The following TBCD variants were observed in gnomAD, a reference collection of about 807,000 sequenced individuals.
The protein encoded by TBCD is tubulin-specific chaperone D.
Under a neutral mutation model 169.3 loss-of-function variants are expected in TBCD, and 105 were observed. The ratio of observed to expected loss-of-function variants is 0.62; its 90% CI spans 0.53 to 0.73. TBCD has a LOEUF of 0.73. Ranked by LOEUF, TBCD falls within the 30% of genes least tolerant of loss-of-function variation. The pLI, the probability that TBCD is intolerant of heterozygous loss-of-function variation, is 0.00. For missense variants in TBCD, 1,444 were observed against 1,600.1 expected, an observed-to-expected ratio of 0.90 and a Z score of 1.66; for synonymous variants, 700 against 643.9, an observed-to-expected ratio of 1.09 and a Z score of -1.32.
chr17:82,873,728 G>A (rs989096972), intron 14 of TBCD, among the ~76,000 whole-genome samples: 3 of 152,142 alleles, frequency 2.0e-5, no homozygotes, highest in Admixed American at 6.5e-5. Context: ...GGGTGTGGAG[G>A]GCTGGGGGCC....
At position 82,929,282 on chromosome 17, in the gene TBCD, G is replaced by A. The variant is rs746713126; in HGVS notation, c.2852+11G>A. ...AAAGCTGTTTCCCAGGTACTGTCGG[G>A]GTGTAGGCCCCCCGTGCTGGCCCCG... On this transcript the variant is annotated intron_variant, in intron 31 of 38. Coordinates refer to ENST00000355528, the MANE Select transcript of TBCD (RefSeq NM_005993.5). The A allele has an allele frequency of 1.2e-6, 2 of 1,612,534 alleles. No individual in the cohort carries two copies. Among genetic ancestry groups the A allele is most frequent in the Non-Finnish European group, 1.7e-6 (2 of 1,178,980 alleles).
At chr17:82,852,469 C>T in intron 13 of TBCD, among the ~76,000 whole-genome samples, 1 of 152,102 alleles carries the variant, frequency 6.6e-6, no homozygotes, top group East Asian at 1.9e-4. Flanking sequence ...TGCCAGCAGG[C>T]TCGGCAGCAG....
chr17:82,881,765 C>A (rs2058367417), intron 14 of TBCD, among the ~76,000 whole-genome samples: 1 of 152,224 alleles, frequency 6.6e-6, no homozygotes, highest in African/African-American at 2.4e-5. Context: ...TTTCATTTGC[C>A]ATTCTTATTT....
rs369083903 is a variant in TBCD at position 82,778,329 on chromosome 17, C to T, written c.639-3260C>T. ...TCTAATGCTCTGTGGGAACTCTGTG[C>T]GTTTTAAAGGGAACACGGTTTGTCA... On this transcript the variant is annotated intron_variant, in intron 6 of 38. Coordinates refer to ENST00000355528, the MANE Select transcript of TBCD (RefSeq NM_005993.5). 4.6e-5 allele frequency among the ~76,000 whole-genome samples: 7 copies of T among 152,294 alleles called. No homozygotes were observed. In the East Asian group the frequency reaches 1.2e-3, roughly 25 times the overall value.
At position 82,931,101 on chromosome 17, in the gene TBCD, G is replaced by A. The variant is rs553368455; in HGVS notation, c.3113+458G>A. On this transcript the variant is annotated intron_variant, in intron 33 of 38. Transcript: ENST00000355528. ...AAGTTTCTGGCTTTACATGGAGGCAGAGTATAGACCCTGTGGGCCTTGACC... is the reference window on the plus strand; with the variant it reads ...AAGTTTCTGGCTTTACATGGAGGCAAAGTATAGACCCTGTGGGCCTTGACC... 2.6e-5 allele frequency among the ~76,000 whole-genome samples: 4 copies of A among 152,348 alleles called. No homozygotes were observed. The East Asian group carries it at 7.7e-4, about 29-fold the overall frequency.
chr17:82,829,194 C>T (rs921061043), intron 13 of TBCD, among the ~76,000 whole-genome samples: 9 of 151,766 alleles, frequency 5.9e-5, no homozygotes, highest in Admixed American at 1.3e-4. Context: ...CACCCGCAGA[C>T]GTGCACATGC....
intron 37 of TBCD, 74 bp downstream of exon 37, chr17:82,939,550 C>A: frequency 8.3e-7 from 1 of 1,205,218 alleles, no homozygotes; most frequent in Non-Finnish European, 1.2e-6. Context: ...CGTGTCTACT[C>A]GTCTCTCCCA....
chr17:82,938,236 A>G, intron 36 of TBCD, 100 bp downstream of exon 36: 1 of 1,368,118 alleles, frequency 7.3e-7, no homozygotes, highest in Admixed American at 2.0e-5. Context: ...TGTGCTTTCC[A>G]GCCGAGCCCC....
In TBCD at chr17:82,889,564, T is replaced by C; in HGVS notation, c.1534-104T>C. The C allele has an allele frequency of 1.4e-6, 2 of 1,390,314 alleles. No homozygotes were observed. The highest frequency in any genetic ancestry group is 4.1e-5 in the Admixed American group (2 of 49,000). 86.1% of individuals were successfully genotyped at this position (1,390,314 alleles called of 1,614,324 possible). ...ACAATGAGGGCTTTTATTTAAAAAA[T>C]AAAGCCGTGGGTCATTCACGTTGTG... is the stretch of plus-strand genomic sequence containing the variant. On this transcript the variant is annotated intron_variant, in intron 15 of 38. Transcript: ENST00000355528. This position sits in a 1 kb window ranked among gnomAD's most constrained non-coding sequence, Gnocchi z 5.3.
chr17:82,834,782 C>G (rs2053826304), intron 13 of TBCD, among the ~76,000 whole-genome samples: 1 of 152,136 alleles, frequency 6.6e-6, no homozygotes, highest in Non-Finnish European at 1.5e-5. Context: ...GGCTTAAAAC[C>G]TAGATGATCG....
At chr17:82,932,566 T>A in intron 33 of TBCD, 92 bp from the exon 34 acceptor site, 1 of 1,014,534 alleles carries the variant, frequency 9.9e-7, no homozygotes, top group Non-Finnish European at 1.5e-6. Flanking sequence ...GCTTGTCGCT[T>A]TCCACTGGGA....
intron 9 of TBCD, among the ~76,000 whole-genome samples, chr17:82,802,034 C>T (rs933015615): frequency 1.9e-4 from 27 of 141,882 alleles, no homozygotes; most frequent in Non-Finnish European, 3.7e-4. Flanking sequence ...TGCTCAGAGG[C>T]GGTGCGGCCT....
intron 13 of TBCD, among the ~76,000 whole-genome samples, chr17:82,857,567 C>G (rs1469098045): frequency 6.6e-6 from 1 of 152,052 alleles, no homozygotes; most frequent in African/African-American, 2.4e-5. Flanking sequence ...ATACAGGTGT[C>G]TAAAAAGTAT....
chr17:82,919,387 T>C (rs1403434267), intron 23 of TBCD, among the ~76,000 whole-genome samples: 1 of 152,280 alleles, frequency 6.6e-6, no homozygotes, highest in African/African-American at 2.4e-5. Context: ...TATTGAAGAA[T>C]AGACCATGTG....
intron 17 of TBCD, among the ~76,000 whole-genome samples, chr17:82,899,975 TTC>T (rs2059778086): frequency 6.6e-6 from 1 of 152,246 alleles, no homozygotes; most frequent in Admixed American, 6.5e-5. Flanking sequence ...TCTTTATATA[TTC>T]TGTTACAAGT....
intron 6 of TBCD, among the ~76,000 whole-genome samples, chr17:82,777,530 C>T (rs1307994304): frequency 1.3e-5 from 2 of 152,210 alleles, no homozygotes; most frequent in African/African-American, 2.4e-5. Flanking sequence ...GGTAAGGTCT[C>T]GTGGGTCACG....
intron 13 of TBCD, among the ~76,000 whole-genome samples, chr17:82,852,645 T>G (rs2055894689): frequency 6.6e-6 from 1 of 152,148 alleles, no homozygotes; most frequent in African/African-American, 2.4e-5. Flanking sequence ...TACGCATCTC[T>G]AAGGGCCACA....
chr17:82,804,905 C>G (rs572240047), intron 9 of TBCD, among the ~76,000 whole-genome samples: 1 of 152,220 alleles, frequency 6.6e-6, no homozygotes, highest in Non-Finnish European at 1.5e-5. Flanking sequence ...ATGAGTCATT[C>G]GAAGCAGGTT....
chr17:82,814,717 G>GC (rs1396607792), intron 12 of TBCD, 123 bp from the exon 13 acceptor site: 1 of 895,326 alleles, frequency 1.1e-6, no homozygotes, highest in African/African-American at 1.7e-5. Flanking sequence ...GTTTTAGTGA[G>GC]CCTTACGTGA....
Sources: gnomAD v4.1 joint callset for allele counts (sites outside exome capture counted in the v4.1 genomes callset) on GRCh38, gnomAD v4.1.1 for gene constraint, Gnocchi (gnomAD v3.1) non-coding constraint, MANE v1.5 for transcripts, NCBI Gene and HGNC (gene_info 2026-07-23, HGNC 2026-07-21) for gene names.